NAA15: variants seen among roughly 807,000 people sequenced by gnomAD.
NAA15 encodes the protein N-terminal acetyltransferase.
In NAA15, 34 loss-of-function variants were observed where a neutral mutation model predicts 114.0. The ratio of observed to expected loss-of-function variants is 0.30; its 90% CI spans 0.23 to 0.40. The LOEUF (loss-of-function observed/expected upper bound fraction) is 0.40, where lower values mean the gene tolerates loss of function less well. Ranked by LOEUF, NAA15 falls within the 10% of genes least tolerant of loss-of-function variation. The pLI is 1.00. For synonymous variants in NAA15, 340 were observed against 338.0 expected (o/e 1.01, Z -0.06); for missense variants, 658 against 1,004.5 (o/e 0.66, Z 4.66).
intron 1 of NAA15, among the ~76,000 whole-genome samples, chr4:139,312,908 G>T (rs1432353521): frequency 1.3e-5 from 2 of 151,878 alleles, no homozygotes; most frequent in African/African-American, 4.8e-5. Context: ...ACAGGTTGAT[G>T]TTTTTGTTAT....
At chr4:139,380,109 G>T (rs929773468) in intron 17 of NAA15, among the ~76,000 whole-genome samples, 3 of 152,152 alleles carry the variant, frequency 2.0e-5, no homozygotes, top group African/African-American at 7.2e-5. Context: ...TACTACGCTT[G>T]TCCAAAAACT....
intron 1 of NAA15, among the ~76,000 whole-genome samples, chr4:139,333,663 G>A (rs1430536102): frequency 6.6e-6 from 1 of 152,202 alleles, no homozygotes; most frequent in African/African-American, 2.4e-5. Flanking sequence ...GATTGCTTGA[G>A]TGAGTCCTGA....
intron 15 of NAA15, among the ~76,000 whole-genome samples, chr4:139,372,959 T>C (rs986998630): frequency 6.6e-6 from 1 of 152,158 alleles, no homozygotes; most frequent in Non-Finnish European, 1.5e-5. Flanking sequence ...TGATCTTGGC[T>C]CACTGCAGCC....
intron 17 of NAA15, among the ~76,000 whole-genome samples, chr4:139,380,573 A>C (rs892156481): frequency 1.3e-5 from 2 of 152,202 alleles, no homozygotes; most frequent in African/African-American, 4.8e-5. Context: ...TGGTTTCAGA[A>C]AATTAAAATA....
Position 139,348,864 on chromosome 4 carries a change from A to G in NAA15, c.692-598A>G, listed in dbSNP as rs566318136. ...TGTGATTGGTCATGCAGTCCAGGGA[A>G]GGCAACAGTGAGTCGACAAGTTGCT... On this transcript the variant is annotated intron_variant, in intron 6 of 19. Coordinates refer to ENST00000296543, the MANE Select transcript of NAA15 (RefSeq NM_057175.5). Among the ~76,000 whole-genome samples the G allele has an allele frequency of 5.3e-5, 8 of 152,356 alleles. No homozygotes were observed. In the South Asian group the frequency reaches 1.7e-3, roughly 32 times the overall value.
chr4:139,348,985 C>T (rs1307173563), intron 6 of NAA15, among the ~76,000 whole-genome samples: 1 of 152,178 alleles, frequency 6.6e-6, no homozygotes, highest in Non-Finnish European at 1.5e-5. Context: ...TTAATTGCTT[C>T]TTGGAAGACA....
intron 2 of NAA15, among the ~76,000 whole-genome samples, chr4:139,336,172 A>C (rs962190180): frequency 4.6e-5 from 7 of 152,230 alleles, no homozygotes; most frequent in Non-Finnish European, 8.8e-5. Flanking sequence ...CTAAAAGAGA[A>C]ATCAATCAAA....
At chr4:139,304,091 G>T (rs1052048738) in intron 1 of NAA15, among the ~76,000 whole-genome samples, 1 of 152,064 alleles carries the variant, frequency 6.6e-6, no homozygotes, top group Non-Finnish European at 1.5e-5. Flanking sequence ...CTAATTTTTT[G>T]TATTTTTTAG....
At chr4:139,309,426 A>AGTGAGTGT (rs1293411023) in intron 1 of NAA15, among the ~76,000 whole-genome samples, 3 of 143,580 alleles carry the variant, frequency 2.1e-5, no homozygotes, top group African/African-American at 7.9e-5. Flanking sequence ...TTGCTTTTTA[A>AGTGAGTGT]GTGTGTGTGT....
intron 17 of NAA15, among the ~76,000 whole-genome samples, chr4:139,379,794 A>G (rs572639348): frequency 6.6e-6 from 1 of 152,320 alleles, no homozygotes; most frequent in Admixed American, 6.5e-5. Flanking sequence ...CTGTAATCCC[A>G]GCATTTCAGG....
At chr4:139,383,317 C>G (rs535046534) in intron 17 of NAA15, among the ~76,000 whole-genome samples, 83 of 152,284 alleles carry the variant, frequency 5.5e-4, no homozygotes, top group African/African-American at 2.0e-3. Flanking sequence ...CTTATCCAAG[C>G]CTGGATCCAT....
At position 139,315,043 on chromosome 4, in the gene NAA15, TAGG is replaced by T. The variant is rs1560952994; in HGVS notation, c.54+13213_54+13215del. Among the ~76,000 whole-genome samples, 639 of 134,084 alleles carry T rather than the reference TAGG, an allele frequency of 4.8e-3. 45 individuals are homozygous for T. The highest frequency in any genetic ancestry group is 5.3e-3 in the Non-Finnish European group (348 of 65,478). The allele number at this position is 134,084 out of a possible 152,430, so 88.0% of individuals were successfully genotyped here. A position where few individuals can be genotyped will look rare whatever the true frequency, so the allele number is the denominator to read the frequency against. On this transcript the variant is annotated intron_variant, in intron 1 of 19. Coordinates refer to ENST00000296543, the MANE Select transcript of NAA15 (RefSeq NM_057175.5). ...TAGGTTAGGTTAGGTTAGGTTAGGT[TAGG>T]TTAGGTTAGTTTAGTTTAGTTTAGT...
intron 1 of NAA15, among the ~76,000 whole-genome samples, chr4:139,308,600 GTTTA>G (rs1746106244): frequency 6.6e-6 from 1 of 152,100 alleles, no homozygotes. Context: ...TTAATCATAA[GTTTA>G]TTTATTTTTT....
chr4:139,351,464 T>C (rs1397548465), intron 8 of NAA15, 41 bp from the exon 9 acceptor site: 4 of 1,251,536 alleles, frequency 3.2e-6, no homozygotes, highest in East Asian at 4.6e-5. Flanking sequence ...TGTAAGTAAA[T>C]ACTTGATAAA....
intron 1 of NAA15, among the ~76,000 whole-genome samples, chr4:139,331,049 T>C (rs190776971): frequency 3.3e-5 from 5 of 152,216 alleles, no homozygotes; most frequent in African/African-American, 1.2e-4. Flanking sequence ...TTTATATCAA[T>C]GTATTCTGGC....
intron 1 of NAA15, among the ~76,000 whole-genome samples, chr4:139,327,856 G>T (rs1285979617): frequency 1.3e-5 from 2 of 152,006 alleles, no homozygotes; most frequent in African/African-American, 4.8e-5. Flanking sequence ...GTAGAGACAG[G>T]GTTTTGCCAT....
intron 1 of NAA15, among the ~76,000 whole-genome samples, chr4:139,307,093 G>A (rs1746046394): frequency 6.6e-6 from 1 of 152,182 alleles, no homozygotes; most frequent in Non-Finnish European, 1.5e-5. Flanking sequence ...AGTTAAAATA[G>A]CATGATGATT....
At chr4:139,328,070 C>A (rs916238876) in intron 1 of NAA15, among the ~76,000 whole-genome samples, 1 of 151,568 alleles carries the variant, frequency 6.6e-6, no homozygotes, top group East Asian at 1.9e-4. Context: ...TTTTCTCTCT[C>A]TTTCATTGAG....
chr4:139,375,192 T>C (rs115263449), intron 15 of NAA15, among the ~76,000 whole-genome samples: 1,607 of 152,312 alleles, frequency 0.011, 32 homozygotes, highest in African/African-American at 0.037. Context: ...AAGTAAAATA[T>C]GTACAAATGT....
Sources: allele counts gnomAD v4.1 joint callset (sites outside exome capture counted in the v4.1 genomes callset), GRCh38; gene constraint gnomAD v4.1.1; transcripts MANE v1.5; gene names NCBI Gene and HGNC (gene_info 2026-07-23, HGNC 2026-07-21).